Variants in NCALD observed in about 807,000 individuals in gnomAD.
NCALD encodes neurocalcin-delta.
NCALD carries 10 observed loss-of-function variants against 18.6 expected under a neutral mutation model. The ratio of observed to expected loss-of-function variants is 0.54; its 90% CI spans 0.33 to 0.91. The LOEUF (loss-of-function observed/expected upper bound fraction) is 0.91. Ranked by LOEUF, NCALD falls within the 40% of genes least tolerant of loss-of-function variation. The pLI is 0.03. For missense variants in NCALD, 184 were observed against 247.6 expected (o/e 0.74, Z 1.72); for synonymous variants, 88 against 87.4 (o/e 1.01, Z -0.04).
chr8:102,037,455 A>G (rs1253895871), intron 1 of NCALD, among the ~76,000 whole-genome samples: 1 of 141,624 alleles, frequency 7.1e-6, no homozygotes, highest in Non-Finnish European at 1.6e-5. Context: ...AAATGAAGCT[A>G]CCAAATTATA....
At chr8:102,004,527 T>C (rs1821617030) in intron 2 of NCALD, among the ~76,000 whole-genome samples, 2 of 152,172 alleles carry the variant, frequency 1.3e-5, no homozygotes, top group Non-Finnish European at 2.9e-5. Context: ...TGGAAAAAAC[T>C]ACTTTAAAGT....
At chr8:101,802,443 A>G (rs1350744026) in intron 4 of NCALD, among the ~76,000 whole-genome samples, 1 of 152,174 alleles carries the variant, frequency 6.6e-6, no homozygotes, top group Non-Finnish European at 1.5e-5. Flanking sequence ...AAATGATTAG[A>G]CTTAGTGAGA....
At chr8:101,768,743 A>G (rs924769165) in intron 1 of NCALD, among the ~76,000 whole-genome samples, 1 of 151,808 alleles carries the variant, frequency 6.6e-6, no homozygotes, top group Non-Finnish European at 1.5e-5. Flanking sequence ...AAAAGAAAGA[A>G]AGCAAGAAAG....
chr8:101,691,061 C>A (rs1814707015), intron 3 of NCALD: 1 of 985,278 alleles, frequency 1.0e-6, no homozygotes, highest in Admixed American at 6.1e-5. Flanking sequence ...AACAGGCAAG[C>A]TAAATCTAAG....
intron 4 of NCALD, among the ~76,000 whole-genome samples, chr8:101,831,620 C>A (rs909682691): frequency 6.6e-6 from 1 of 152,134 alleles, no homozygotes; most frequent in Non-Finnish European, 1.5e-5. Flanking sequence ...ACTTTGTGAG[C>A]TCCTCTTAAC....
intron 2 of NCALD, among the ~76,000 whole-genome samples, chr8:101,713,454 C>CAA (rs199621429): frequency 7.0e-6 from 1 of 143,586 alleles, no homozygotes; most frequent in Non-Finnish European, 1.5e-5. Flanking sequence ...GATAGAGACA[C>CAA]AAAAAAAAAC....
At chr8:101,907,650 G>A (rs34095772) in intron 3 of NCALD, among the ~76,000 whole-genome samples, 6,710 of 152,000 alleles carry the variant, frequency 0.044, 222 homozygotes, top group Non-Finnish European at 0.065. Flanking sequence ...ATGACAACCC[G>A]CAGAGGGGAC....
intron 1 of NCALD, among the ~76,000 whole-genome samples, chr8:101,739,642 T>C (rs1049368589): frequency 1.3e-4 from 18 of 143,448 alleles, no homozygotes; most frequent in Non-Finnish European, 2.2e-4. Flanking sequence ...GCTGGATGCT[T>C]ACTGCCCTGG....
chr8:101,940,316 G>A (rs1213161388), intron 2 of NCALD, among the ~76,000 whole-genome samples: 2 of 151,892 alleles, frequency 1.3e-5, no homozygotes, highest in African/African-American at 2.4e-5. Context: ...CTGACTAAGG[G>A]AGATAAACAC....
At chr8:102,098,330 T>C (rs1434423243) in intron 1 of NCALD, among the ~76,000 whole-genome samples, 1 of 152,176 alleles carries the variant, frequency 6.6e-6, no homozygotes, top group African/African-American at 2.4e-5. Context: ...CATTTCCTCC[T>C]CACCAGGCCC....
intron 2 of NCALD, among the ~76,000 whole-genome samples, chr8:101,991,758 C>A (rs1821057062): frequency 6.6e-6 from 1 of 152,198 alleles, no homozygotes; most frequent in Admixed American, 6.5e-5. Flanking sequence ...AAGAATGGAA[C>A]AAATCTGTTG....
chr8:101,973,054 G>T (rs1820298757), intron 2 of NCALD, among the ~76,000 whole-genome samples: 1 of 152,172 alleles, frequency 6.6e-6, no homozygotes, highest in East Asian at 1.9e-4. Flanking sequence ...GTATGAGGAA[G>T]AGAAGGGCAG....
chr8:101,868,794 T>C (rs192845983), intron 4 of NCALD, among the ~76,000 whole-genome samples: 1 of 152,346 alleles, frequency 6.6e-6, no homozygotes, highest in East Asian at 1.9e-4. Flanking sequence ...GAAGATCCTG[T>C]AACCAGGGTC....
intron 1 of NCALD, among the ~76,000 whole-genome samples, chr8:102,061,267 T>C (rs1197631173): frequency 6.6e-6 from 1 of 152,126 alleles, no homozygotes; most frequent in African/African-American, 2.4e-5. Context: ...CCCCCCAGGG[T>C]GAATGGATAA....
At chr8:101,946,054 A>T (rs1423066864) in intron 2 of NCALD, among the ~76,000 whole-genome samples, 1 of 152,116 alleles carries the variant, frequency 6.6e-6, no homozygotes, top group Non-Finnish European at 1.5e-5. Context: ...TGAAAAAGAG[A>T]TGGAGGAAAA....
intron 2 of NCALD, among the ~76,000 whole-genome samples, chr8:101,997,935 C>T (rs1041947677): frequency 5.3e-5 from 8 of 152,288 alleles, no homozygotes; most frequent in South Asian, 2.1e-4. Flanking sequence ...CAACGAACAA[C>T]TGGAAATGAT....
chr8:101,971,003 T>G (rs1005001142), intron 2 of NCALD, among the ~76,000 whole-genome samples: 1 of 152,122 alleles, frequency 6.6e-6, no homozygotes, highest in Non-Finnish European at 1.5e-5. Context: ...GTGAGGTCCC[T>G]CCCTGTGTTT....
At chr8:101,785,043 T>C (rs1812168999) in intron 1 of NCALD, among the ~76,000 whole-genome samples, 1 of 152,188 alleles carries the variant, frequency 6.6e-6, no homozygotes, top group Admixed American at 6.5e-5. Context: ...TATAGTATAG[T>C]GAATAAAGAG....
intron 2 of NCALD, among the ~76,000 whole-genome samples, chr8:101,923,301 G>C (rs945184561): frequency 3.9e-5 from 6 of 152,174 alleles, no homozygotes; most frequent in Non-Finnish European, 7.4e-5. Flanking sequence ...AGCATGAAAA[G>C]ACTAAGACAA....
Sources: allele counts gnomAD v4.1 joint callset (sites outside exome capture counted in the v4.1 genomes callset), GRCh38; gene constraint gnomAD v4.1.1; transcripts MANE v1.5; gene names NCBI Gene and HGNC (gene_info 2026-07-23, HGNC 2026-07-21).